RASA3: variants seen among roughly 807,000 people sequenced by gnomAD.
RASA3 encodes ras GTPase-activating protein 3.
A neutral mutation model predicts 110.0 loss-of-function variants in RASA3; 73 were observed. That is an observed-to-expected ratio of 0.66 (90% CI 0.55 to 0.81). RASA3 has a LOEUF of 0.81. Among genes scored for constraint, RASA3 ranks in the 30% least tolerant of loss-of-function variants. RASA3 has a pLI of 0.00. For missense variants in RASA3, 976 were observed against 1,113.2 expected (o/e 0.88, Z 1.75); for synonymous variants, 500 against 451.4 (o/e 1.11, Z -1.37).
intron 21 of RASA3, among the ~76,000 whole-genome samples, chr13:113,993,858 C>A (rs1194799542): frequency 1.4e-5 from 2 of 137,984 alleles, no homozygotes; most frequent in Non-Finnish European, 3.1e-5. Context: ...CTACATTGTA[C>A]AGAAGCACGT....
rs774064312 is a variant in RASA3 at position 114,009,370 on chromosome 13, G to A, written c.1668+17C>T. On this transcript the variant is annotated intron_variant, in intron 17 of 23. Coordinates refer to ENST00000334062, the MANE Select transcript of RASA3 (RefSeq NM_007368.4). ...GAGCACGGCACACGGGCGGTCGGAGGGTGAGTCGATACTTACGTTCTTCAC... is the reference window on the plus strand; with the variant it reads ...GAGCACGGCACACGGGCGGTCGGAGAGTGAGTCGATACTTACGTTCTTCAC... 10 of 1,599,534 alleles carry A rather than the reference G, an allele frequency of 6.3e-6. No homozygotes were observed. The Admixed American group carries it at 8.3e-5, about 13-fold the overall frequency.
chr13:114,110,866 A>G (rs1280584162), intron 1 of RASA3, among the ~76,000 whole-genome samples: 1 of 152,198 alleles, frequency 6.6e-6, no homozygotes, highest in African/African-American at 2.4e-5. Flanking sequence ...TGAGAGAGCC[A>G]CGGTGTCCCA....
intron 21 of RASA3, among the ~76,000 whole-genome samples, chr13:113,995,630 A>ACGGGGGGCC (rs2053216375): frequency 9.1e-5 from 8 of 88,078 alleles, no homozygotes; most frequent in Admixed American, 8.0e-4. Flanking sequence ...GGGGGGCCTG[A>ACGGGGGGCC]CAGGGGGCCC....
intron 1 of RASA3, among the ~76,000 whole-genome samples, chr13:114,100,105 G>C (rs1020096399): frequency 1.3e-5 from 2 of 150,914 alleles, no homozygotes; most frequent in Non-Finnish European, 1.5e-5. Context: ...AGACCACACT[G>C]CCACACCTGA....
chr13:114,131,818 C>G (rs965860824), intron 1 of RASA3, among the ~76,000 whole-genome samples: 1 of 151,648 alleles, frequency 6.6e-6, no homozygotes, highest in African/African-American at 2.4e-5. Context: ...ACACATGCAC[C>G]CACAAACGCA....
intron 1 of RASA3, among the ~76,000 whole-genome samples, chr13:114,092,829 T>C (rs2079903365): frequency 6.6e-6 from 1 of 152,228 alleles, no homozygotes. Context: ...TTGCTTTATA[T>C]ATATCGGGGT....
chr13:114,038,903 G>A (rs911713727), intron 4 of RASA3, among the ~76,000 whole-genome samples: 1 of 152,208 alleles, frequency 6.6e-6, no homozygotes, highest in Non-Finnish European at 1.5e-5. Context: ...AGTCTCAGGC[G>A]AAGTCCTCAC....
chr13:114,057,259 C>T lies in RASA3; in HGVS notation c.174-5104G>A. ...TTGTTTCCTGCGGGTCACCTCAAGT[C>T]TTTCAGGAAACCAGGCAGGACATCT... On this transcript the variant is annotated intron_variant, in intron 2 of 23. Coordinates refer to ENST00000334062, the MANE Select transcript of RASA3 (RefSeq NM_007368.4). This position sits in a 1 kb window ranked among gnomAD's most constrained non-coding sequence, Gnocchi z 5.0. 1.0e-6 allele frequency: 1 copy of T among 985,444 alleles called. No homozygotes were observed. The highest frequency in any genetic ancestry group is 1.7e-5 in the African/African-American group (1 of 57,356). 61.0% of individuals were successfully genotyped at this position (985,444 alleles called of 1,614,324 possible). A position where few individuals can be genotyped will look rare whatever the true frequency, so the allele number is the denominator to read the frequency against.
intron 15 of RASA3, among the ~76,000 whole-genome samples, chr13:114,012,646 A>G (rs1368992704): frequency 1.6e-5 from 2 of 121,574 alleles, no homozygotes; most frequent in African/African-American, 6.3e-5. Context: ...CACACTCCCC[A>G]TTCCACACGC....
chr13:114,108,286 G>A (rs544114918), intron 1 of RASA3, among the ~76,000 whole-genome samples: 20 of 25,980 alleles, frequency 7.7e-4, no homozygotes, highest in African/African-American at 2.5e-3. Flanking sequence ...TGTCATCCCC[G>A]TCCGTCACCC....
chr13:114,048,135 G>A lies in RASA3; in HGVS notation c.277+3917C>T, dbSNP rs2079083057. ...TAGAGACCACCTTGGCTAACACGGTGAAACCCCGTCTCTACTGAAAATACA... is the reference window on the plus strand; with the variant it reads ...TAGAGACCACCTTGGCTAACACGGTAAAACCCCGTCTCTACTGAAAATACA... On this transcript the variant is annotated intron_variant, in intron 3 of 23. Coordinates refer to ENST00000334062, the MANE Select transcript of RASA3 (RefSeq NM_007368.4). The surrounding 1 kb of genome is among the most constrained non-coding windows in gnomAD (Gnocchi z 4.3). Among the ~76,000 whole-genome samples, 1 of 152,104 alleles carries A rather than the reference G, an allele frequency of 6.6e-6. No homozygotes were observed. Among genetic ancestry groups the A allele is most frequent in the South Asian group, 2.1e-4 (1 of 4,822 alleles).
chr13:113,992,226 C>G (rs1025589880), intron 22 of RASA3, among the ~76,000 whole-genome samples: 3 of 152,252 alleles, frequency 2.0e-5, no homozygotes, highest in Admixed American at 6.5e-5. Context: ...TCTAAAGAAA[C>G]TTGGCAGTAC....
intron 10 of RASA3, 119 bp from the exon 11 acceptor site, chr13:114,018,371 G>C: frequency 7.7e-7 from 1 of 1,293,624 alleles, no homozygotes. Flanking sequence ...TGCTGAGACA[G>C]AAACACACAC....
intron 4 of RASA3, among the ~76,000 whole-genome samples, chr13:114,030,749 G>C (rs1311536843): frequency 1.4e-5 from 2 of 145,580 alleles, no homozygotes; most frequent in Non-Finnish European, 3.0e-5. Flanking sequence ...CGGTTTGTGT[G>C]TGCAGCTGTG....
chr13:114,032,229 G>A (rs947806116), intron 4 of RASA3, among the ~76,000 whole-genome samples: 2 of 152,028 alleles, frequency 1.3e-5, no homozygotes, highest in South Asian at 2.1e-4. Flanking sequence ...CCCTGAACCC[G>A]GCTCTATTCT....
intron 1 of RASA3, among the ~76,000 whole-genome samples, chr13:114,076,653 C>G (rs2079689524): frequency 6.6e-6 from 1 of 152,180 alleles, no homozygotes; most frequent in South Asian, 2.1e-4. Context: ...GGCCGGCGAG[C>G]TTCTCCAGAG....
chr13:114,036,851 T>G (rs116401376), intron 4 of RASA3, among the ~76,000 whole-genome samples: 871 of 152,272 alleles, frequency 5.7e-3, no homozygotes, highest in African/African-American at 0.017. Context: ...GTTGAGGTTT[T>G]AAAGGTTGGC....
At chr13:114,072,478 A>G (rs1415270441) in intron 2 of RASA3, among the ~76,000 whole-genome samples, 1 of 152,212 alleles carries the variant, frequency 6.6e-6, no homozygotes, top group African/African-American at 2.4e-5. Context: ...CATCTTCTGT[A>G]TAGCTATTTT....
At chr13:114,004,450 C>T (rs186720161) in intron 18 of RASA3, among the ~76,000 whole-genome samples, 1 of 151,992 alleles carries the variant, frequency 6.6e-6, no homozygotes, top group Admixed American at 6.6e-5. Context: ...AAATGGCCAA[C>T]AAGCATACGA....
Sources: allele counts gnomAD v4.1 joint callset (sites outside exome capture counted in the v4.1 genomes callset), GRCh38; gene constraint gnomAD v4.1.1; non-coding constraint Gnocchi (gnomAD v3.1); transcripts MANE v1.5; gene names NCBI Gene and HGNC (gene_info 2026-07-23, HGNC 2026-07-21).